MALRD1: variants seen among roughly 807,000 people sequenced by gnomAD.
MALRD1 encodes the protein MAM and LDL-receptor class A domain-containing protein 1.
A neutral mutation model predicts 242.1 loss-of-function variants in MALRD1; 247 were observed. That is an observed-to-expected ratio of 1.02 (90% CI 0.92 to 1.13). The LOEUF is 1.13. Ranked by LOEUF, MALRD1 falls within the 50% of genes most tolerant of loss-of-function variation. The probability of loss-of-function intolerance (pLI) is 0.00; values close to 1 mark genes in which losing one functional copy is unlikely to be tolerated. For missense variants in MALRD1, 2,989 were observed against 2,533.1 expected, an observed-to-expected ratio of 1.18 and a Z score of -3.86; for synonymous variants, 995 against 866.6, an observed-to-expected ratio of 1.15 and a Z score of -2.60.
chr10:19,165,535 G>A (rs536999283), intron 12 of MALRD1, 102 bp from the exon 13 acceptor site: 6 of 890,172 alleles, frequency 6.7e-6, no homozygotes, highest in Non-Finnish European at 8.9e-6. Context: ...GGAGGCCGAG[G>A]CAGGCAGATC....
rs71949886 is a variant in MALRD1 at position 19,592,728 on chromosome 10, G to GACACAC, written c.5681-2437_5681-2432dup. 3.4e-3 allele frequency among the ~76,000 whole-genome samples: 418 copies of GACACAC among 123,878 alleles called. 2 individuals carry two copies. The highest frequency in any genetic ancestry group is 8.4e-3 in the African/African-American group (292 of 34,864). The allele number at this position is 123,878 out of a possible 152,430, so 81.3% of individuals were successfully genotyped here. A position where few individuals can be genotyped will look rare whatever the true frequency, so the allele number is the denominator to read the frequency against. On this transcript the variant is annotated intron_variant, in intron 33 of 39. Coordinates refer to ENST00000454679, the MANE Select transcript of MALRD1 (RefSeq NM_001142308.3). ...TATCCACTATAAGGAAAAATATAAA[G>GACACAC]ACACACACACACACACACACACACA... is the stretch of plus-strand genomic sequence containing the variant.
At chr10:19,694,071 T>C (rs1311944136) in intron 38 of MALRD1, among the ~76,000 whole-genome samples, 3 of 152,008 alleles carry the variant, frequency 2.0e-5, no homozygotes, top group Non-Finnish European at 4.4e-5. Context: ...ATACAAAAAT[T>C]AATTCAAGAT....
At chr10:19,284,146 T>A (rs1203441782) in intron 21 of MALRD1, among the ~76,000 whole-genome samples, 2 of 152,206 alleles carry the variant, frequency 1.3e-5, no homozygotes, top group African/African-American at 2.4e-5. Flanking sequence ...ATATTTTTCT[T>A]TATTGACTAT....
Position 19,567,612 on chromosome 10 carries a change from T to G in MALRD1, c.5589T>G (p.Phe1863Leu). Residue 1863 changes from phenylalanine (F) to leucine (L), a missense_variant, in exon 33 of 40, where the codon TTT (phenylalanine) becomes TTG (leucine). Coordinates refer to ENST00000454679, the MANE Select transcript of MALRD1 (RefSeq NM_001142308.3). ...TGCCTCTCTCCAGTAACAGTCCGTT[T>G]AAGGTGGCATTTGAAGCTGATTTGG... The part of the protein sequence containing the change: ...GSVPLSSNSP[F>L]KVAFEADLDG... 6.4e-7 allele frequency: 1 copy of G among 1,550,716 alleles called. No homozygotes were observed.
At chr10:19,119,623 G>A (rs186282537) in intron 5 of MALRD1, among the ~76,000 whole-genome samples, 2 of 152,246 alleles carry the variant, frequency 1.3e-5, no homozygotes, top group Admixed American at 6.5e-5. Flanking sequence ...ATCAAGTGCC[G>A]GTTCTGTGAA....
At chr10:19,421,397 GA>G in intron 28 of MALRD1, among the ~76,000 whole-genome samples, 1 of 152,102 alleles carries the variant, frequency 6.6e-6, no homozygotes, top group African/African-American at 2.4e-5. Context: ...CTTAAGTAGG[GA>G]ATAACAAGTA....
intron 26 of MALRD1, among the ~76,000 whole-genome samples, chr10:19,383,004 C>T (rs1436441557): frequency 6.6e-6 from 1 of 151,976 alleles, no homozygotes; most frequent in African/African-American, 2.4e-5. Context: ...TAGGGAACAC[C>T]ACTACAGATA....
At chr10:19,373,153 A>ATT (rs71387068) in intron 26 of MALRD1, among the ~76,000 whole-genome samples, 89 of 140,650 alleles carry the variant, frequency 6.3e-4, no homozygotes, top group African/African-American at 2.1e-3. Flanking sequence ...AGTTGCTCTC[A>ATT]TTTTTTTTTC....
At position 19,458,159 on chromosome 10, in the gene MALRD1, C is replaced by G. The variant is rs191964753; in HGVS notation, c.5029+7669C>G. On this transcript the variant is annotated intron_variant, in intron 29 of 39. Transcript: ENST00000454679. ...TATACTCTTTATAGAAGAATCCATACATTTAAGCCTGCACTTTAAATGAAA... is the reference window on the plus strand; with the variant it reads ...TATACTCTTTATAGAAGAATCCATAGATTTAAGCCTGCACTTTAAATGAAA... Among the ~76,000 whole-genome samples, 362 of 152,250 alleles carry G rather than the reference C, an allele frequency of 2.4e-3. 1 individual carries two copies. The highest frequency in any genetic ancestry group is 8.2e-3 in the African/African-American group (339 of 41,548).
At chr10:19,548,119 C>A (rs1426994829) in intron 32 of MALRD1, among the ~76,000 whole-genome samples, 1 of 149,936 alleles carries the variant, frequency 6.7e-6, no homozygotes, top group Non-Finnish European at 1.5e-5. Flanking sequence ...CCTGCCTCAG[C>A]CTGCCAAGTA....
At chr10:19,386,439 T>A (rs564967930) in intron 26 of MALRD1, among the ~76,000 whole-genome samples, 6 of 152,074 alleles carry the variant, frequency 3.9e-5, no homozygotes, top group African/African-American at 1.4e-4. Flanking sequence ...TCAGATCCTG[T>A]AGTGTCAGAG....
chr10:19,553,807 C>A (rs750265376), intron 32 of MALRD1, among the ~76,000 whole-genome samples: 1 of 152,186 alleles, frequency 6.6e-6, no homozygotes, highest in Non-Finnish European at 1.5e-5. Context: ...TACTCTACTT[C>A]CATTACTGAT....
At chr10:19,498,718 T>C in intron 31 of MALRD1, 72 bp downstream of exon 31, 1 of 1,477,602 alleles carries the variant, frequency 6.8e-7, no homozygotes, top group East Asian at 2.5e-5. Context: ...TTTGTGTGAA[T>C]TTCAGTGTGC....
intron 7 of MALRD1, among the ~76,000 whole-genome samples, chr10:19,125,281 CTTTCT>C (rs1837219177): frequency 1.0e-5 from 1 of 96,408 alleles, no homozygotes; most frequent in African/African-American, 5.4e-5. Flanking sequence ...TTCTTTCTTT[CTTTCT>C]TTCTTTCCTT....
At chr10:19,254,871 G>A (rs1374285000) in intron 18 of MALRD1, among the ~76,000 whole-genome samples, 1 of 151,904 alleles carries the variant, frequency 6.6e-6, no homozygotes, top group Non-Finnish European at 1.5e-5. Flanking sequence ...GTAAGCAGCA[G>A]GTTGAATTAA....
intron 33 of MALRD1, among the ~76,000 whole-genome samples, chr10:19,587,977 A>C (rs1837529193): frequency 6.6e-6 from 1 of 151,402 alleles, no homozygotes; most frequent in African/African-American, 2.4e-5. Context: ...CAAAAATGGC[A>C]GATTTATTCT....
At chr10:19,577,696 G>A (rs528925453) in intron 33 of MALRD1, among the ~76,000 whole-genome samples, 7 of 152,010 alleles carry the variant, frequency 4.6e-5, no homozygotes, top group South Asian at 2.1e-4. Context: ...AGCCTTTTAC[G>A]TGAATGATGA....
At chr10:19,104,861 T>C (rs1336777634) in intron 5 of MALRD1, among the ~76,000 whole-genome samples, 1 of 152,088 alleles carries the variant, frequency 6.6e-6, no homozygotes, top group African/African-American at 2.4e-5. Flanking sequence ...GATCTTGATA[T>C]TGTGCTTGGT....
Position 19,592,143 on chromosome 10 carries a change from T to C in MALRD1, c.5681-3051T>C, listed in dbSNP as rs558148458. On this transcript the variant is annotated intron_variant, in intron 33 of 39. Coordinates refer to ENST00000454679, the MANE Select transcript of MALRD1 (RefSeq NM_001142308.3). ...GATTCATTTTTATGTTTGGGGAGTG[T>C]TATAAGTCAGGTTCCCTGGGAAGCT... Among the ~76,000 whole-genome samples, 301 of 152,306 alleles carry C rather than the reference T, an allele frequency of 2.0e-3. 1 individual carries two copies. The highest frequency in any genetic ancestry group is 3.6e-3 in the Non-Finnish European group (248 of 68,030).
Sources: gnomAD v4.1 joint callset for allele counts (sites outside exome capture counted in the v4.1 genomes callset) on GRCh38, gnomAD v4.1.1 for gene constraint, MANE v1.5 for transcripts, NCBI Gene and HGNC (gene_info 2026-07-23, HGNC 2026-07-21) for gene names.